IPO8: variants seen among roughly 807,000 people sequenced by gnomAD.
IPO8 encodes the protein importin-8.
Under a neutral mutation model 141.2 loss-of-function variants are expected in IPO8, and 65 were observed. That is an observed-to-expected ratio of 0.46 (90% CI 0.38 to 0.57). IPO8 has a LOEUF of 0.57. Ranked by LOEUF, IPO8 falls within the 20% of genes least tolerant of loss-of-function variation. IPO8 has a pLI of 0.00. For missense variants in IPO8, 980 were observed against 1,246.8 expected (o/e 0.79, Z 3.22); for synonymous variants, 411 against 420.3 (o/e 0.98, Z 0.27).
chr12:30,664,869 A>G (rs535537479), intron 13 of IPO8, among the ~76,000 whole-genome samples: 3 of 152,160 alleles, frequency 2.0e-5, no homozygotes, highest in African/African-American at 7.2e-5. Flanking sequence ...CCTCCCTAGT[A>G]GCTGGGATAA....
At chr12:30,690,873 T>C (rs1391964460) in intron 1 of IPO8, among the ~76,000 whole-genome samples, 1 of 152,180 alleles carries the variant, frequency 6.6e-6, no homozygotes, top group Non-Finnish European at 1.5e-5. Flanking sequence ...TATGGTAGTG[T>C]CCATCTATCT....
intron 19 of IPO8, among the ~76,000 whole-genome samples, chr12:30,651,195 C>A (rs1463748084): frequency 6.6e-6 from 1 of 152,066 alleles, no homozygotes; most frequent in African/African-American, 2.4e-5. Flanking sequence ...ACAGGGAAAA[C>A]TGAAGACTGC....
chr12:30,638,384 C>G (rs2052530806), intron 21 of IPO8, among the ~76,000 whole-genome samples: 1 of 152,148 alleles, frequency 6.6e-6, no homozygotes, highest in Admixed American at 6.5e-5. Context: ...CGCATAGCAG[C>G]TTGTAAATAT....
chr12:30,667,183 T>TAG (rs2052978616), intron 10 of IPO8, among the ~76,000 whole-genome samples: 1 of 152,230 alleles, frequency 6.6e-6, no homozygotes, highest in Admixed American at 6.5e-5. Context: ...GCTACAGTTT[T>TAG]AGAAGCATCT....
chr12:30,695,777 G>A lies in IPO8; in HGVS notation c.-130C>T. The A allele has an allele frequency of 1.4e-6, 1 of 700,212 alleles. No homozygotes were observed. Among genetic ancestry groups the A allele is most frequent in the Non-Finnish European group, 2.3e-6 (1 of 444,050 alleles). The allele number at this position is 700,212 out of a possible 1,614,324, so 43.4% of individuals were successfully genotyped here. ...TCACACCCCACCCCCCGCCACCGTC[G>A]CCACCTGCGGCCACTTGCTGCGCCA... On this transcript the variant is annotated 5_prime_UTR_variant, in exon 1 of 25. Coordinates refer to ENST00000256079, the MANE Select transcript of IPO8 (RefSeq NM_006390.4). The surrounding 1 kb of genome is among the most constrained non-coding windows in gnomAD (Gnocchi z 4.2).
intron 20 of IPO8, among the ~76,000 whole-genome samples, chr12:30,640,213 T>A (rs2052558281): frequency 6.6e-6 from 1 of 152,188 alleles, no homozygotes; most frequent in Non-Finnish European, 1.5e-5. Flanking sequence ...TGGTGGAGCC[T>A]GAACATTAAA....
In IPO8 at chr12:30,637,326, T is replaced by G; in HGVS notation, c.2490-139A>C. The G allele has an allele frequency of 4.5e-6, 3 of 670,870 alleles. No individual in the cohort carries two copies. The South Asian group carries it at 5.7e-5, about 13-fold the overall frequency. The allele number at this position is 670,870 out of a possible 1,614,324, so 41.6% of individuals were successfully genotyped here. On this transcript the variant is annotated intron_variant, in intron 21 of 24. Transcript: ENST00000256079. ...TATCATACAGAGACATTCCCTGTTTTGTACTGTATGAAATGCTATGTAAAT... is the reference window on the plus strand; with the variant it reads ...TATCATACAGAGACATTCCCTGTTTGGTACTGTATGAAATGCTATGTAAAT...
At chr12:30,686,671 G>A (rs981291201) in intron 2 of IPO8, 4 of 152,010 alleles carry the variant, frequency 2.6e-5, no homozygotes, top group African/African-American at 9.7e-5. Context: ...TTTGCAAAAA[G>A]AAAAATCAAC....
chr12:30,692,300 A>G (rs1213462485), intron 1 of IPO8, among the ~76,000 whole-genome samples: 1 of 152,212 alleles, frequency 6.6e-6, no homozygotes, highest in Non-Finnish European at 1.5e-5. Flanking sequence ...CACTGTTGCC[A>G]TTGTACAGAT....
At chr12:30,680,133 C>G (rs1178966814) in intron 5 of IPO8, among the ~76,000 whole-genome samples, 1 of 152,132 alleles carries the variant, frequency 6.6e-6, no homozygotes, top group Non-Finnish European at 1.5e-5. Context: ...TCTTTTCCTT[C>G]TTCTTTTCCT....
At chr12:30,647,664 T>C (rs896711759) in intron 20 of IPO8, among the ~76,000 whole-genome samples, 2 of 135,790 alleles carry the variant, frequency 1.5e-5, no homozygotes, top group African/African-American at 5.6e-5. Flanking sequence ...AAAAAATTAA[T>C]GGACATCATC....
chr12:30,645,736 AATGAATTAG>A (rs1310283280), intron 20 of IPO8, among the ~76,000 whole-genome samples: 1 of 152,196 alleles, frequency 6.6e-6, no homozygotes, highest in Non-Finnish European at 1.5e-5. Context: ...AACCACATGC[AATGAATTAG>A]ATAAATTACG....
intron 4 of IPO8, 71 bp downstream of exon 4, chr12:30,681,588 C>A: frequency 7.0e-7 from 1 of 1,429,006 alleles, no homozygotes; most frequent in Non-Finnish European, 9.6e-7. Flanking sequence ...CCACAACAGA[C>A]CACTCTTTGC....
intron 3 of IPO8, among the ~76,000 whole-genome samples, 162 bp from the exon 4 acceptor site, chr12:30,681,979 A>C (rs1343502627): frequency 6.6e-6 from 1 of 152,188 alleles, no homozygotes; most frequent in African/African-American, 2.4e-5. Flanking sequence ...AAACATCCTC[A>C]GTGGCTCAAC....
chr12:30,640,651 T>C (rs566258561), intron 20 of IPO8, among the ~76,000 whole-genome samples: 29 of 152,302 alleles, frequency 1.9e-4, no homozygotes, highest in African/African-American at 7.0e-4. Context: ...TTAAAAATTA[T>C]TACCATGGTC....
At position 30,676,566 on chromosome 12, in the gene IPO8, C is replaced by T. The variant is rs1317724536; in HGVS notation, c.661G>A (p.Val221Met). ...LVQYALPLQL[V>M]NNQTMTTWME... Reference sequence around the variant, plus strand: ...CATGTTGTCATGGTTTGGTTATTCACTAGCTGAAGAGGCAATGCATACTGG... The same window carrying T: ...CATGTTGTCATGGTTTGGTTATTCATTAGCTGAAGAGGCAATGCATACTGG... The change falls in exon 6 of 25, where the codon GTG (valine) becomes ATG (methionine). Residue 221 changes from valine (V) to methionine (M), a missense_variant. Val to Met is a conservative substitution (Grantham distance 21). Around this residue, in one of 3 missense-constraint regions of IPO8, gnomAD observed 924 missense variants for 1,153.9 expected, o/e 0.80. Coordinates refer to ENST00000256079, the MANE Select transcript of IPO8 (RefSeq NM_006390.4). The T allele has an allele frequency of 3.1e-6, 5 of 1,612,338 alleles. No individual in the cohort carries two copies. In the South Asian group the frequency reaches 4.4e-5, roughly 14 times the overall value.
intron 3 of IPO8, among the ~76,000 whole-genome samples, chr12:30,682,761 G>C (rs948011223): frequency 6.6e-5 from 10 of 152,046 alleles, no homozygotes; most frequent in Admixed American, 6.6e-4. Context: ...TGAACAACCA[G>C]TAACTCAGAT....
Position 30,671,025 on chromosome 12 carries a change from G to A in IPO8, c.981C>T (p.Phe327=), listed in dbSNP as rs760565108. Reference sequence around the variant, plus strand: ...GAACCACCCCTTGGTTGAGATAGTTGAATGCTTGCTGAAGAACACGGGGAG... The same window carrying A: ...GAACCACCCCTTGGTTGAGATAGTTAAATGCTTGCTGAAGAACACGGGGAG... ...YVAPRVLQQA[F]NYLNQGVVHS... The change falls in exon 9 of 25, where the codon TTC becomes TTT. Residue 327 remains phenylalanine, a synonymous_variant. Coordinates refer to ENST00000256079, the MANE Select transcript of IPO8 (RefSeq NM_006390.4). 1.2e-6 allele frequency: 2 copies of A among 1,613,094 alleles called. No individual in the cohort carries two copies. The highest frequency in any genetic ancestry group is 1.7e-6 in the Non-Finnish European group (2 of 1,179,112).
At chr12:30,678,056 C>T (rs887673213) in intron 5 of IPO8, among the ~76,000 whole-genome samples, 3 of 146,860 alleles carry the variant, frequency 2.0e-5, no homozygotes, top group Non-Finnish European at 4.5e-5. Flanking sequence ...ACCCGGGAGG[C>T]GGAGGTGGCA....
Sources: allele counts gnomAD v4.1 joint callset (sites outside exome capture counted in the v4.1 genomes callset), GRCh38; gene constraint gnomAD v4.1.1; regional missense constraint gnomAD v4.1.1; non-coding constraint Gnocchi (gnomAD v3.1); transcripts MANE v1.5; gene names NCBI Gene and HGNC (gene_info 2026-07-23, HGNC 2026-07-21).